The following DPP6 variants were observed in gnomAD, a reference collection of about 807,000 sequenced individuals.
The protein encoded by DPP6 is A-type potassium channel modulatory protein DPP6.
A neutral mutation model predicts 122.6 loss-of-function variants in DPP6; 69 were observed. The ratio of observed to expected loss-of-function variants is 0.56; its 90% CI spans 0.46 to 0.69. The LOEUF (loss-of-function observed/expected upper bound fraction) is 0.69, where lower values mean the gene tolerates loss of function less well. Among genes scored for constraint, DPP6 ranks in the 30% least tolerant of loss-of-function variants. The probability of loss-of-function intolerance (pLI) is 0.00; values close to 1 mark genes in which losing one functional copy is unlikely to be tolerated. For missense variants in DPP6, 928 were observed against 1,116.9 expected (o/e 0.83, Z 2.41); for synonymous variants, 418 against 433.1 (o/e 0.97, Z 0.43).
intron 1 of DPP6, among the ~76,000 whole-genome samples, chr7:154,417,756 A>G (rs1164470865): frequency 6.6e-6 from 1 of 152,136 alleles, no homozygotes; most frequent in Non-Finnish European, 1.5e-5. Context: ...TCCCATCTGC[A>G]TTTAGTCCTC....
chr7:154,424,662 G>A (rs563127810), intron 1 of DPP6, among the ~76,000 whole-genome samples: 4 of 152,290 alleles, frequency 2.6e-5, no homozygotes, highest in Non-Finnish European at 4.4e-5. Flanking sequence ...CCCAGTTCAC[G>A]TAACGTAGCC....
At chr7:154,338,084 AT>A (rs201720776) in intron 1 of DPP6, among the ~76,000 whole-genome samples, 43 of 149,306 alleles carry the variant, frequency 2.9e-4, no homozygotes, top group Admixed American at 1.1e-3. Context: ...CTGGATTCAC[AT>A]TTTTTTTTTC....
Position 154,575,240 on chromosome 7 carries a change from TTGTGTGGTG to T in DPP6, c.627+8337_627+8345del, listed in dbSNP as rs1171928431. Among the ~76,000 whole-genome samples, 250 of 97,386 alleles carry T rather than the reference TTGTGTGGTG, an allele frequency of 2.6e-3. 2 individuals carry two copies. The highest frequency in any genetic ancestry group is 9.6e-3 in the African/African-American group (230 of 24,080). The allele number at this position is 97,386 out of a possible 152,430, so 63.9% of individuals were successfully genotyped here. A position where few individuals can be genotyped will look rare whatever the true frequency, so the allele number is the denominator to read the frequency against. ...GTGTGGTGTGGTGTGTGTGTGGTGT[TTGTGTGGTG>T]TGTGTGGTGTGTATGTGGTATGTGT... On this transcript the variant is annotated intron_variant, in intron 5 of 25. Transcript: ENST00000377770.
chr7:153,866,831 G>T, the DPP6 span, among the ~76,000 whole-genome samples: 2 of 152,068 alleles, frequency 1.3e-5, no homozygotes, highest in Non-Finnish European at 2.9e-5. Flanking sequence ...TTTGTATAAG[G>T]TGTAAGGAAG....
the DPP6 span, among the ~76,000 whole-genome samples, chr7:153,759,941 GTC>G: frequency 6.7e-6 from 1 of 148,800 alleles, no homozygotes; most frequent in African/African-American, 2.5e-5. Flanking sequence ...CTCTGTTTCT[GTC>G]TCTCTCTCTG....
At chr7:154,393,407 T>TAG (rs1814797826) in intron 1 of DPP6, among the ~76,000 whole-genome samples, 1 of 152,224 alleles carries the variant, frequency 6.6e-6, no homozygotes, top group Non-Finnish European at 1.5e-5. Context: ...GACTTTTCTT[T>TAG]AAGCATAAGT....
At chr7:153,840,435 C>T in the DPP6 span, among the ~76,000 whole-genome samples, 5 of 151,692 alleles carry the variant, frequency 3.3e-5, no homozygotes, top group South Asian at 2.1e-4. Flanking sequence ...GATTTTGGTA[C>T]TTGTATGAAT....
At chr7:153,893,709 C>A (rs1023298573) in intron 1 of DPP6, among the ~76,000 whole-genome samples, 3 of 152,184 alleles carry the variant, frequency 2.0e-5, no homozygotes, top group Non-Finnish European at 4.4e-5. Context: ...ATATAGAGAG[C>A]AATCTCTCAA....
chr7:154,750,677 A>G (rs1018286115), intron 8 of DPP6, among the ~76,000 whole-genome samples: 2 of 152,198 alleles, frequency 1.3e-5, no homozygotes, highest in Admixed American at 6.5e-5. Context: ...TAACAGATAT[A>G]GAATGCCTTC....
chr7:154,742,394 A>G (rs925652179), intron 8 of DPP6, among the ~76,000 whole-genome samples: 22 of 152,342 alleles, frequency 1.4e-4, no homozygotes, highest in African/African-American at 5.3e-4. Context: ...ACATTTAGAC[A>G]CTTTTGGCAG....
chr7:154,195,939 T>C (rs1798844397), intron 1 of DPP6, among the ~76,000 whole-genome samples: 1 of 152,136 alleles, frequency 6.6e-6, no homozygotes, highest in Non-Finnish European at 1.5e-5. Flanking sequence ...GCTTTTCCCT[T>C]TTTCGGTTTG....
chr7:154,417,999 A>G lies in DPP6; in HGVS notation c.244-28215A>G, dbSNP rs556126428. ...TCACAAGAGATCACTTTGATAAACAATTACCACCTGCTCATAGCCTATAAT... is the reference window on the plus strand; with the variant it reads ...TCACAAGAGATCACTTTGATAAACAGTTACCACCTGCTCATAGCCTATAAT... On this transcript the variant is annotated intron_variant, in intron 1 of 25. Coordinates refer to ENST00000377770, the MANE Select transcript of DPP6 (RefSeq NM_130797.4). 7.9e-5 allele frequency among the ~76,000 whole-genome samples: 12 copies of G among 152,344 alleles called. No individual in the cohort carries two copies. The East Asian group carries it at 1.9e-3, about 24-fold the overall frequency.
chr7:153,963,733 G>A (rs71545678), intron 1 of DPP6, among the ~76,000 whole-genome samples: 1 of 152,190 alleles, frequency 6.6e-6, no homozygotes, highest in Non-Finnish European at 1.5e-5. Flanking sequence ...ATGAGAATCT[G>A]ATGCCTAATA....
chr7:154,357,321 C>T (rs1319379085), intron 1 of DPP6, among the ~76,000 whole-genome samples: 7 of 146,590 alleles, frequency 4.8e-5, no homozygotes, highest in African/African-American at 1.5e-4. Context: ...ATTTAATCAG[C>T]TATCGTAGTT....
intron 1 of DPP6, among the ~76,000 whole-genome samples, chr7:154,021,730 C>T (rs57952182): frequency 0.021 from 3,268 of 152,158 alleles, 95 homozygotes; most frequent in African/African-American, 0.061. Context: ...GAGCTTGGCA[C>T]GTGGATATGT....
intron 1 of DPP6, among the ~76,000 whole-genome samples, chr7:154,151,568 G>C (rs1796424291): frequency 6.6e-6 from 1 of 152,216 alleles, no homozygotes. Flanking sequence ...TCCCTTGCTG[G>C]GAGGTTGCCC....
rs1469187418 is a variant in DPP6, at chr7:154,481,139, G to T, written c.457+6102G>T. ...GTACTAGCTCAGGTGCAAGGAGAAG[G>T]GGATGCTTGGGTGACTGGGGTGGAA... On this transcript the variant is annotated intron_variant, in intron 3 of 25. Coordinates refer to ENST00000377770, the MANE Select transcript of DPP6 (RefSeq NM_130797.4). The surrounding 1 kb of genome is among the most constrained non-coding windows in gnomAD (Gnocchi z 4.2). 6.6e-6 allele frequency among the ~76,000 whole-genome samples: 1 copy of T among 152,076 alleles called. No individual in the cohort carries two copies. Among genetic ancestry groups the T allele is most frequent in the Admixed American group, 6.5e-5 (1 of 15,268 alleles).
chr7:154,202,272 A>G (rs760675141), intron 1 of DPP6, among the ~76,000 whole-genome samples: 1 of 152,198 alleles, frequency 6.6e-6, no homozygotes, highest in African/African-American at 2.4e-5. Context: ...GTTAACAGCA[A>G]TGCACACAAA....
chr7:154,193,439 A>C (rs1798711022), intron 1 of DPP6, among the ~76,000 whole-genome samples: 1 of 152,208 alleles, frequency 6.6e-6, no homozygotes. Flanking sequence ...ATAGAGGGGC[A>C]CAGTTTTTAT....
Sources: gnomAD v4.1 joint callset for allele counts (sites outside exome capture counted in the v4.1 genomes callset) on GRCh38, gnomAD v4.1.1 for gene constraint, Gnocchi (gnomAD v3.1) non-coding constraint, MANE v1.5 for transcripts, NCBI Gene and HGNC (gene_info 2026-07-23, HGNC 2026-07-21) for gene names.